HIVEP3: variants seen among roughly 807,000 people sequenced by gnomAD.
HIVEP3 encodes the protein HIVEP zinc finger 3, also known as transcription factor HIVEP3.
HIVEP3 carries 49 observed loss-of-function variants against 152.8 expected under a neutral mutation model. The ratio of observed to expected loss-of-function variants is 0.32; its 90% CI spans 0.26 to 0.41. The LOEUF (loss-of-function observed/expected upper bound fraction) is 0.41, where lower values mean the gene tolerates loss of function less well. Among genes scored for constraint, HIVEP3 ranks in the 10% least tolerant of loss-of-function variants. The pLI is 1.00. For missense variants in HIVEP3, 2,790 were observed against 3,103.3 expected (o/e 0.90, Z 2.40); for synonymous variants, 1,269 against 1,289.0 (o/e 0.98, Z 0.33).
Position 41,533,471 on chromosome 1 carries a change from C to T in HIVEP3, c.5208-8561G>A, listed in dbSNP as rs1239000053. ...CGGGCCAGCTCTGCTGTCCCTCTTTCCTGCACAGCCCGGATCTGGAGAGGG... is the reference window on the plus strand; with the variant it reads ...CGGGCCAGCTCTGCTGTCCCTCTTTTCTGCACAGCCCGGATCTGGAGAGGG... On this transcript the variant is annotated intron_variant, in intron 5 of 8. Coordinates refer to ENST00000372583, the MANE Select transcript of HIVEP3 (RefSeq NM_024503.5). The surrounding 1 kb of genome is among the most constrained non-coding windows in gnomAD (Gnocchi z 4.3). 6.6e-6 allele frequency among the ~76,000 whole-genome samples: 1 copy of T among 152,108 alleles called. No homozygotes were observed.
At chr1:42,011,720 C>T (rs566933804) in intron 1 of HIVEP3, among the ~76,000 whole-genome samples, 7 of 152,298 alleles carry the variant, frequency 4.6e-5, no homozygotes, top group South Asian at 4.1e-4. Flanking sequence ...GCAGAGGGGT[C>T]GCCCACATCC....
intron 2 of HIVEP3, among the ~76,000 whole-genome samples, chr1:41,667,544 C>T (rs1645814183): frequency 6.6e-6 from 1 of 152,224 alleles, no homozygotes; most frequent in Non-Finnish European, 1.5e-5. Flanking sequence ...ACAGGTTTTC[C>T]CCAAGCCAAG....
At chr1:41,769,284 CG>C (rs929718224) in intron 1 of HIVEP3, among the ~76,000 whole-genome samples, 1 of 152,188 alleles carries the variant, frequency 6.6e-6, no homozygotes, top group African/African-American at 2.4e-5. Flanking sequence ...GCCAACCCTA[CG>C]GGGGGTTAGT....
At position 41,581,618 on chromosome 1, in the gene HIVEP3, C is replaced by G. The variant is rs1225847940; in HGVS notation, c.3180G>C (p.Glu1060Asp). The part of the protein sequence containing the change: ...SLSRPPESEL[E>D]VAPKGRQESE... ...TCTCCTGTCTTCCCTTGGGGGCAAC[C>G]TCCAACTCAGATTCTGGAGGCCTGC... The change falls in exon 4 of 9, where the codon GAG (glutamate) becomes GAC (aspartate). Residue 1060 changes from glutamate to aspartate, a missense_variant. By Grantham distance (45) the Glu-to-Asp change is conservative. Around this residue, in one of 9 missense-constraint regions of HIVEP3, gnomAD observed 1,078 missense variants for 1,165.3 expected, o/e 0.93. Coordinates refer to ENST00000372583, the MANE Select transcript of HIVEP3 (RefSeq NM_024503.5). The surrounding 1 kb of genome is among the most constrained non-coding windows in gnomAD (Gnocchi z 4.5). The G allele has an allele frequency of 1.7e-5, 27 of 1,614,070 alleles. No homozygotes were observed. Among genetic ancestry groups the G allele is most frequent in the Non-Finnish European group, 2.2e-5 (26 of 1,180,038 alleles).
At chr1:41,559,473 T>C (rs1027048321) in intron 5 of HIVEP3, among the ~76,000 whole-genome samples, 1 of 152,166 alleles carries the variant, frequency 6.6e-6, no homozygotes, top group Admixed American at 6.5e-5. Flanking sequence ...GCTCAGGATC[T>C]GTCTCCACGG....
intron 1 of HIVEP3, among the ~76,000 whole-genome samples, chr1:41,843,797 G>A (rs1174457926): frequency 6.6e-6 from 1 of 152,044 alleles, no homozygotes; most frequent in Non-Finnish European, 1.5e-5. Context: ...GGGTACATGT[G>A]CACAATGTGC....
chr1:42,004,855 T>C (rs1263768653), intron 1 of HIVEP3, among the ~76,000 whole-genome samples: 1 of 152,234 alleles, frequency 6.6e-6, no homozygotes, highest in Non-Finnish European at 1.5e-5. Flanking sequence ...GTCACCATTG[T>C]GATCTTGATG....
chr1:41,527,501 A>T (rs1643028103), intron 5 of HIVEP3, among the ~76,000 whole-genome samples: 1 of 100,078 alleles, frequency 1.0e-5, no homozygotes, highest in Admixed American at 1.1e-4. Context: ...ACCCTCACAC[A>T]CACTCACACA....
chr1:41,725,383 G>C (rs527788629), intron 1 of HIVEP3, among the ~76,000 whole-genome samples: 1 of 152,194 alleles, frequency 6.6e-6, no homozygotes, highest in Non-Finnish European at 1.5e-5. Flanking sequence ...CAAGAGAACA[G>C]ACATCTCTTT....
chr1:41,957,171 G>T lies in HIVEP3; in HGVS notation n.120-38647C>A, dbSNP rs143152684. 2.6e-3 allele frequency among the ~76,000 whole-genome samples: 398 copies of T among 152,028 alleles called. 2 individuals are homozygous for T. The East Asian group carries it at 0.036, about 14-fold the overall frequency. On this transcript the variant is annotated intron_variant and non_coding_transcript_variant, in intron 1 of 3. Transcript: ENST00000489103. ...AAGTCTACCTCCCACTAATCTGTAA[G>T]CCACTATAAACAAAAGTTAAAAGAA...
intron 1 of HIVEP3, among the ~76,000 whole-genome samples, chr1:42,027,094 T>C (rs1299054069): frequency 6.6e-6 from 1 of 152,222 alleles, no homozygotes; most frequent in African/African-American, 2.4e-5. Flanking sequence ...GTTGTTGACC[T>C]TGCTTTTGAA....
At chr1:41,832,437 G>A (rs1237823771) in intron 1 of HIVEP3, among the ~76,000 whole-genome samples, 1 of 152,158 alleles carries the variant, frequency 6.6e-6, no homozygotes, top group East Asian at 1.9e-4. Context: ...AGGCTGAGGT[G>A]GGAGGATCAC....
intron 2 of HIVEP3, among the ~76,000 whole-genome samples, chr1:41,692,041 A>C (rs1221727738): frequency 6.6e-6 from 1 of 152,138 alleles, no homozygotes; most frequent in Non-Finnish European, 1.5e-5. Flanking sequence ...ACACGGTTTC[A>C]CCATGTTGGC....
intron 1 of HIVEP3, among the ~76,000 whole-genome samples, chr1:41,758,724 C>T (rs1647476277): frequency 6.6e-6 from 1 of 152,306 alleles, no homozygotes; most frequent in Non-Finnish European, 1.5e-5. Context: ...TCATGTTGGA[C>T]AAACTGGTAG....
At chr1:42,033,710 C>T (rs554229191) in intron 1 of HIVEP3, among the ~76,000 whole-genome samples, 1 of 152,340 alleles carries the variant, frequency 6.6e-6, no homozygotes, top group Admixed American at 6.5e-5. Flanking sequence ...ACTCCTAACT[C>T]AATGTTGGTT....
intron 1 of HIVEP3, among the ~76,000 whole-genome samples, chr1:41,818,667 A>G (rs11811797): frequency 0.35 from 53,415 of 151,980 alleles, 9,568 homozygotes; most frequent in Non-Finnish European, 0.37. Context: ...ATGAAAACGA[A>G]CCCAGTCAGT....
At chr1:41,942,915 T>A (rs993835807) in intron 1 of HIVEP3, among the ~76,000 whole-genome samples, 2 of 152,156 alleles carry the variant, frequency 1.3e-5, no homozygotes, top group African/African-American at 4.8e-5. Flanking sequence ...TTTTTCTTTT[T>A]TTGAGACGGA....
intron 1 of HIVEP3, among the ~76,000 whole-genome samples, chr1:41,774,223 G>A (rs1265591109): frequency 6.6e-6 from 1 of 152,228 alleles, no homozygotes; most frequent in Non-Finnish European, 1.5e-5. Flanking sequence ...CAAGGTCCCT[G>A]AATAGGAAGG....
Position 41,962,088 on chromosome 1 carries a change from T to C in HIVEP3, n.120-43564A>G, listed in dbSNP as rs1179779656. Among the ~76,000 whole-genome samples, 5 of 152,268 alleles carry C rather than the reference T, an allele frequency of 3.3e-5. No individual in the cohort carries two copies. The East Asian group carries it at 9.6e-4, about 29-fold the overall frequency. On this transcript the variant is annotated intron_variant and non_coding_transcript_variant, in intron 1 of 3. Transcript: ENST00000489103. ...CCATAAAAAATTGGAGGGGTACTGA[T>C]GCATCTAAGCAGTACATTAGGGTTA...
Sources: gnomAD v4.1 joint callset for allele counts (sites outside exome capture counted in the v4.1 genomes callset) on GRCh38, gnomAD v4.1.1 for gene constraint, gnomAD v4.1.1 regional missense constraint, Gnocchi (gnomAD v3.1) non-coding constraint, MANE v1.5 for transcripts, NCBI Gene and HGNC (gene_info 2026-07-23, HGNC 2026-07-21) for gene names.